Variants in ME3 observed in about 807,000 individuals in gnomAD.
The protein encoded by ME3 is NADP-dependent malic enzyme, mitochondrial.
In ME3, 48 loss-of-function variants were observed where a neutral mutation model predicts 68.9. The ratio of observed to expected loss-of-function variants is 0.70; its 90% CI spans 0.55 to 0.89. The LOEUF (loss-of-function observed/expected upper bound fraction) is 0.89. Among genes scored for constraint, ME3 ranks in the 40% least tolerant of loss-of-function variants. ME3 has a pLI of 0.00. For synonymous variants in ME3, 320 were observed against 318.8 expected (o/e 1.00, Z -0.04); for missense variants, 675 against 797.4 (o/e 0.85, Z 1.85).
At chr11:86,636,174 G>A (rs970175184) in intron 2 of ME3, among the ~76,000 whole-genome samples, 2 of 152,230 alleles carry the variant, frequency 1.3e-5, no homozygotes, top group Admixed American at 1.3e-4. Context: ...GGGGCAGGGC[G>A]GGGTATGTCT....
chr11:86,655,051 GA>G (rs1945762616), intron 2 of ME3, among the ~76,000 whole-genome samples: 1 of 152,148 alleles, frequency 6.6e-6, no homozygotes, highest in Non-Finnish European at 1.5e-5. Flanking sequence ...GGATGTGAAA[GA>G]CCTCTTCAAG....
rs547913694 is a variant in ME3 at position 86,655,285 on chromosome 11, G to A, written c.183+16477C>T. Reference sequence around the variant, plus strand: ...ATGGAACCAAAAAAGAGCCTGCATCGCCAAGTCAATCCTAAGCCAAAAGAA... The same window carrying A: ...ATGGAACCAAAAAAGAGCCTGCATCACCAAGTCAATCCTAAGCCAAAAGAA... On this transcript the variant is annotated intron_variant, in intron 2 of 14. Transcript: ENST00000543262. Among the ~76,000 whole-genome samples the A allele has an allele frequency of 3.8e-3, 576 of 152,024 alleles. 1 individual carries two copies. Among genetic ancestry groups the A allele is most frequent in the African/African-American group, 6.4e-3 (265 of 41,482 alleles).
chr11:86,462,642 T>C (rs1950278696), intron 8 of ME3: 2 of 1,265,828 alleles, frequency 1.6e-6, no homozygotes, highest in Non-Finnish European at 2.1e-6. Flanking sequence ...AAACATTTAT[T>C]AGGCATCTAT....
chr11:86,546,570 C>T (rs1303306022), intron 4 of ME3, among the ~76,000 whole-genome samples: 1 of 152,176 alleles, frequency 6.6e-6, no homozygotes, highest in East Asian at 1.9e-4. Flanking sequence ...AAAAAATGCT[C>T]ATCATCACTG....
rs560944920 is a variant in ME3 at position 86,662,136 on chromosome 11, G to A, written c.183+9626C>T. On this transcript the variant is annotated intron_variant, in intron 2 of 14. Coordinates refer to ENST00000543262, the Ensembl canonical transcript of ME3. ...ATACACTAGTTATTTCTCTGGAAAGGCCACAGCACATCAGACTTCATGCAC... is the reference window on the plus strand; with the variant it reads ...ATACACTAGTTATTTCTCTGGAAAGACCACAGCACATCAGACTTCATGCAC... 2.6e-5 allele frequency among the ~76,000 whole-genome samples: 4 copies of A among 152,274 alleles called. No individual in the cohort carries two copies. The South Asian group carries it at 6.2e-4, about 24-fold the overall frequency.
At chr11:86,555,004 A>C (rs1200156022) in intron 4 of ME3, among the ~76,000 whole-genome samples, 1 of 152,130 alleles carries the variant, frequency 6.6e-6, no homozygotes, top group African/African-American at 2.4e-5. Context: ...GGGATGGGGG[A>C]GGGCTCCGTG....
chr11:86,645,335 C>A (rs1248336953), intron 2 of ME3, among the ~76,000 whole-genome samples: 3 of 152,208 alleles, frequency 2.0e-5, no homozygotes, highest in Non-Finnish European at 4.4e-5. Flanking sequence ...ACTGCCAGCA[C>A]AGCAGTCTGA....
Position 86,595,464 on chromosome 11 carries a change from A to T in ME3, c.184-35641T>A, listed in dbSNP as rs1356445436. Among the ~76,000 whole-genome samples the T allele has an allele frequency of 1.7e-5, 2 of 117,076 alleles. 1 individual carries two copies. The highest frequency in any genetic ancestry group is 6.4e-5 in the African/African-American group (2 of 31,050). 76.8% of individuals were successfully genotyped at this position (117,076 alleles called of 152,430 possible). On this transcript the variant is annotated intron_variant, in intron 2 of 14. Coordinates refer to ENST00000543262, the Ensembl canonical transcript of ME3. ...AGCTTAGAGAGTTAAGTACTTATAA[A>T]GCCAGGATCTGATCCCAATTAGTCT...
chr11:86,439,479 A>G (rs1467404128), downstream of ME3, among the ~76,000 whole-genome samples: 1 of 152,228 alleles, frequency 6.6e-6, no homozygotes. Context: ...ATTGCATTTG[A>G]ATTCCAAGGA....
At chr11:86,617,011 C>A (rs75415254) in intron 2 of ME3, among the ~76,000 whole-genome samples, 4 of 127,920 alleles carry the variant, frequency 3.1e-5, no homozygotes, top group African/African-American at 1.1e-4. Flanking sequence ...ACCTTTGCAA[C>A]TTTTCTGTAC....
chr11:86,658,830 G>C (rs647782), intron 2 of ME3, among the ~76,000 whole-genome samples: 108,620 of 151,958 alleles, frequency 0.71, 39,768 homozygotes, highest in Non-Finnish European at 0.8. Flanking sequence ...CAGGGGAAAT[G>C]TTTCAGCTCT....
At chr11:86,457,931 G>A (rs1950031410) in intron 8 of ME3, among the ~76,000 whole-genome samples, 1 of 152,208 alleles carries the variant, frequency 6.6e-6, no homozygotes, top group Admixed American at 6.5e-5. Context: ...TAAAGGAGTT[G>A]CCATGCTGAA....
chr11:86,595,745 G>A (rs1201689100), intron 2 of ME3, among the ~76,000 whole-genome samples: 2 of 152,220 alleles, frequency 1.3e-5, no homozygotes, highest in African/African-American at 4.8e-5. Flanking sequence ...AAATGCTTCT[G>A]CATATGGGTT....
chr11:86,649,124 A>G (rs1945230547), intron 2 of ME3, among the ~76,000 whole-genome samples: 1 of 152,242 alleles, frequency 6.6e-6, no homozygotes, highest in Admixed American at 6.5e-5. Context: ...GCCACCATCA[A>G]CTTGGCTTCA....
intron 4 of ME3, among the ~76,000 whole-genome samples, chr11:86,510,373 A>G (rs1594233530): frequency 6.6e-6 from 1 of 151,194 alleles, no homozygotes; most frequent in African/African-American, 2.4e-5. Flanking sequence ...TTTTCCTCCT[A>G]CTTCTCTGTG....
intron 2 of ME3, among the ~76,000 whole-genome samples, chr11:86,601,013 A>G (rs1207330563): frequency 1.8e-4 from 27 of 151,862 alleles, no homozygotes; most frequent in African/African-American, 6.3e-4. Flanking sequence ...AAGATCCAAA[A>G]TTGACACCCT....
chr11:86,623,968 G>C (rs536231409), intron 2 of ME3, among the ~76,000 whole-genome samples: 1 of 152,124 alleles, frequency 6.6e-6, no homozygotes, highest in Non-Finnish European at 1.5e-5. Flanking sequence ...GACGTACAAC[G>C]TGACCCCTTC....
intron 4 of ME3, among the ~76,000 whole-genome samples, chr11:86,518,058 G>C (rs1461704406): frequency 6.6e-6 from 1 of 152,168 alleles, no homozygotes; most frequent in East Asian, 1.9e-4. Context: ...ACTTATGGTA[G>C]AGAGTGGAAA....
At chr11:86,556,341 T>C (rs1956923463) in intron 4 of ME3, among the ~76,000 whole-genome samples, 1 of 152,064 alleles carries the variant, frequency 6.6e-6, no homozygotes, top group Non-Finnish European at 1.5e-5. Flanking sequence ...TGAAGAAGAG[T>C]CAATAAACCC....
Sources: allele counts gnomAD v4.1 joint callset (sites outside exome capture counted in the v4.1 genomes callset), GRCh38; gene constraint gnomAD v4.1.1; transcripts MANE v1.5; gene names NCBI Gene and HGNC (gene_info 2026-07-23, HGNC 2026-07-21).